LIMCH1: variants seen among roughly 807,000 people sequenced by gnomAD.
The protein encoded by LIMCH1 is LIM and calponin homology domains-containing protein 1.
A neutral mutation model predicts 176.5 loss-of-function variants in LIMCH1; 113 were observed. That is an observed-to-expected ratio of 0.64 (90% CI 0.55 to 0.75). The LOEUF (loss-of-function observed/expected upper bound fraction) is 0.75, where lower values mean the gene tolerates loss of function less well. Among genes scored for constraint, LIMCH1 ranks in the 30% least tolerant of loss-of-function variants. LIMCH1 has a pLI of 0.00. For synonymous variants in LIMCH1, 619 were observed against 645.9 expected (o/e 0.96, Z 0.63); for missense variants, 1,674 against 1,814.9 (o/e 0.92, Z 1.41).
chr4:41,487,898 C>T (rs191523521), intron 1 of LIMCH1, among the ~76,000 whole-genome samples: 9 of 148,110 alleles, frequency 6.1e-5, no homozygotes, highest in Admixed American at 1.4e-4. Flanking sequence ...CTGATCTGCC[C>T]GCCTTGGCCT....
In LIMCH1 at chr4:41,682,445, T is replaced by C. The variant is rs558069363; in HGVS notation, c.3830T>C (p.Leu1277Pro). The change falls in exon 26 of 32, where the codon CTG becomes CCG. Residue 1277 changes from leucine to proline, a missense_variant. Physicochemically the swap from Leu to Pro is moderately conservative, Grantham distance 98 (BLOSUM62 -3). Coordinates refer to ENST00000503057, the MANE Select transcript of LIMCH1 (RefSeq NM_001330672.2). Reference protein sequence around the residue: ...LLLKTRESDRLEEKGSLTEGA... With the variant: ...LLLKTRESDRPEEKGSLTEGA... ...CTGAAGACTAGGGAAAGTGATCGACTGGAGGAGAAGGGCAGGTATGAGCCC... is the reference window on the plus strand; with the variant it reads ...CTGAAGACTAGGGAAAGTGATCGACCGGAGGAGAAGGGCAGGTATGAGCCC... 3.7e-6 allele frequency: 6 copies of C among 1,612,808 alleles called. No homozygotes were observed. Among genetic ancestry groups the C allele is most frequent in the Non-Finnish European group, 4.2e-6 (5 of 1,179,262 alleles).
At chr4:41,569,956 A>G (rs1474677843) in intron 1 of LIMCH1, among the ~76,000 whole-genome samples, 1 of 152,208 alleles carries the variant, frequency 6.6e-6, no homozygotes, top group Admixed American at 6.5e-5. Context: ...TTTCTCTTTC[A>G]TGAGTAAATA....
chr4:41,669,863 G>C (rs189869975), intron 21 of LIMCH1, among the ~76,000 whole-genome samples: 1 of 152,244 alleles, frequency 6.6e-6, no homozygotes, highest in African/African-American at 2.4e-5. Flanking sequence ...TTAGGATCAG[G>C]TATCCTGGAG....
Position 41,530,794 on chromosome 4 carries a change from T to TAA in LIMCH1, c.237+6340_237+6341dup, listed in dbSNP as rs386399906. 2.6e-3 allele frequency among the ~76,000 whole-genome samples: 78 copies of TAA among 30,020 alleles called. 2 individuals are homozygous for TAA. Among genetic ancestry groups the TAA allele is most frequent in the African/African-American group, 0.021 (52 of 2,532 alleles). 19.7% of individuals were successfully genotyped at this position (30,020 alleles called of 152,430 possible). ...GGGGCTACAAGAGCGAAACCCCGCC[T>TAA]AAAAAAAAAAAAAAAAAAAAAAAAA... On this transcript the variant is annotated intron_variant, in intron 3 of 26. Transcript: ENST00000313860.
chr4:41,410,309 A>G (rs2059366641), intron 1 of LIMCH1, among the ~76,000 whole-genome samples: 1 of 152,178 alleles, frequency 6.6e-6, no homozygotes. Context: ...ATCTTACACA[A>G]TATTGGATTC....
intron 1 of LIMCH1, chr4:41,385,768 G>T (rs1467016374): frequency 6.6e-6 from 1 of 152,142 alleles, no homozygotes; most frequent in Non-Finnish European, 1.5e-5. Flanking sequence ...TGTTATTTAG[G>T]ACCCCATTTG....
chr4:41,631,019 T>C, intron 9 of LIMCH1, 129 bp from the exon 10 acceptor site: 1 of 795,262 alleles, frequency 1.3e-6, no homozygotes, highest in Middle Eastern at 3.2e-4. Flanking sequence ...TTGAATCCCG[T>C]CAGTGGGATG....
intron 2 of LIMCH1, among the ~76,000 whole-genome samples, chr4:41,504,325 T>A (rs1463118406): frequency 6.6e-6 from 1 of 152,202 alleles, no homozygotes; most frequent in Non-Finnish European, 1.5e-5. Flanking sequence ...TTCCAGGAGG[T>A]CTAGGGGAGC....
chr4:41,454,939 CATGTGTGTGTGTGT>C (rs1384593095), intron 1 of LIMCH1, among the ~76,000 whole-genome samples: 14 of 130,562 alleles, frequency 1.1e-4, no homozygotes, highest in African/African-American at 4.2e-4. Flanking sequence ...TGTATGCGTA[CATGTGTGTGTGTGT>C]GTGTGTGTGT....
intron 8 of LIMCH1, among the ~76,000 whole-genome samples, chr4:41,627,479 A>G (rs1428521585): frequency 6.6e-6 from 1 of 152,218 alleles, no homozygotes; most frequent in Non-Finnish European, 1.5e-5. Context: ...TTGGAAGAAA[A>G]AAAAATGAGA....
At chr4:41,523,884 A>G (rs1332303391) in intron 2 of LIMCH1, among the ~76,000 whole-genome samples, 4 of 152,172 alleles carry the variant, frequency 2.6e-5, no homozygotes, top group African/African-American at 9.7e-5. Context: ...CTCTTATTAA[A>G]CACATTCTTC....
At chr4:41,600,991 A>G (rs541459816) in intron 2 of LIMCH1, among the ~76,000 whole-genome samples, 2 of 150,802 alleles carry the variant, frequency 1.3e-5, no homozygotes, top group Non-Finnish European at 3.0e-5. Flanking sequence ...CCGTCTTTCC[A>G]TCTATCTCTC....
intron 1 of LIMCH1, among the ~76,000 whole-genome samples, chr4:41,489,133 A>G (rs2154171988): frequency 6.6e-6 from 1 of 152,214 alleles, no homozygotes; most frequent in African/African-American, 2.4e-5. Context: ...CATTGCTGTC[A>G]TTCTTGATAT....
intron 1 of LIMCH1, among the ~76,000 whole-genome samples, chr4:41,399,863 TAGTAGAGATGGG>T (rs2058211468): frequency 7.1e-6 from 1 of 141,500 alleles, no homozygotes; most frequent in Admixed American, 6.9e-5. Flanking sequence ...TTTGTATTTT[TAGTAGAGATGGG>T]GTTTCACCAT....
intron 1 of LIMCH1, among the ~76,000 whole-genome samples, chr4:41,418,263 T>A (rs769514666): frequency 1.3e-5 from 2 of 152,224 alleles, no homozygotes; most frequent in Non-Finnish European, 2.9e-5. Context: ...TCTCTGACTT[T>A]CAAAAATTTA....
chr4:41,662,938 C>A lies in LIMCH1; in HGVS notation c.3245C>A (p.Pro1082Gln), dbSNP rs751762058. The A allele has an allele frequency of 6.2e-7, 1 of 1,613,908 alleles. No homozygotes were observed. The highest frequency in any genetic ancestry group is 8.5e-7 in the Non-Finnish European group (1 of 1,179,942). The change falls in exon 20 of 32, where the codon CCA becomes CAA. Residue 1082 changes from proline to glutamine, a missense_variant. Pro to Gln is a moderately conservative substitution (Grantham distance 76). This residue lies in a region of LIMCH1 where 1,015 missense variants were observed against 1,102.5 expected (regional missense o/e 0.92). Coordinates refer to ENST00000503057, the MANE Select transcript of LIMCH1 (RefSeq NM_001330672.2). Reference sequence around the variant, plus strand: ...TCGGAAGAAAAAGACCAGAAGAAACCAGAAAATGAAATGAGTGGAAAGGTG... The same window carrying A: ...TCGGAAGAAAAAGACCAGAAGAAACAAGAAAATGAAATGAGTGGAAAGGTG... ...DVSEEKDQKK[P>Q]ENEMSGKVEL...
At chr4:41,426,995 T>C (rs1254028262) in intron 1 of LIMCH1, among the ~76,000 whole-genome samples, 2 of 152,376 alleles carry the variant, frequency 1.3e-5, no homozygotes, top group East Asian at 3.9e-4. Context: ...TATTAGTCTC[T>C]ACCTCCAGTG....
chr4:41,549,408 A>G (rs1035341922), intron 1 of LIMCH1, among the ~76,000 whole-genome samples: 1 of 152,114 alleles, frequency 6.6e-6, no homozygotes, highest in Non-Finnish European at 1.5e-5. Flanking sequence ...ATGGGTATGC[A>G]CTCGGTGAGG....
chr4:41,438,349 T>G (rs1449624665), intron 1 of LIMCH1, among the ~76,000 whole-genome samples: 2 of 152,096 alleles, frequency 1.3e-5, no homozygotes, highest in African/African-American at 4.8e-5. Context: ...TTACAGTGCT[T>G]GTGCCTTTTA....
Sources: gnomAD v4.1 joint callset for allele counts (sites outside exome capture counted in the v4.1 genomes callset) on GRCh38, gnomAD v4.1.1 for gene constraint, gnomAD v4.1.1 regional missense constraint, MANE v1.5 for transcripts, NCBI Gene and HGNC (gene_info 2026-07-23, HGNC 2026-07-21) for gene names.